Variants in ANKS1B observed in about 807,000 individuals in gnomAD.
The protein encoded by ANKS1B is ankyrin repeat and sterile alpha motif domain containing 1B.
A neutral mutation model predicts 148.3 loss-of-function variants in ANKS1B; 36 were observed. The observed-to-expected ratio is 0.24, with a 90% CI of 0.19 to 0.32. The LOEUF is 0.32. Ranked by LOEUF, ANKS1B falls within the 10% of genes least tolerant of loss-of-function variation. ANKS1B has a pLI of 1.00. For synonymous variants in ANKS1B, 542 were observed against 560.8 expected (o/e 0.97, Z 0.47); for missense variants, 1,157 against 1,542.6 (o/e 0.75, Z 4.19).
chr12:99,825,279 C>A (rs962017127), intron 2 of ANKS1B, 30 bp downstream of exon 2: 3 of 1,575,554 alleles, frequency 1.9e-6, no homozygotes, highest in East Asian at 2.3e-5. Flanking sequence ...ACTAAATACA[C>A]ACGATTCCGT....
At chr12:99,190,212 C>T (rs1029001317) in intron 14 of ANKS1B, among the ~76,000 whole-genome samples, 4 of 152,154 alleles carry the variant, frequency 2.6e-5, no homozygotes, top group Admixed American at 6.6e-5. Context: ...AATGGAAAAA[C>T]ATTCCATGCT....
At chr12:99,514,777 A>C (rs2096799354) in intron 9 of ANKS1B, among the ~76,000 whole-genome samples, 1 of 152,008 alleles carries the variant, frequency 6.6e-6, no homozygotes, top group Non-Finnish European at 1.5e-5. Flanking sequence ...GCCAATTTTC[A>C]AGCCTTTGTA....
At chr12:98,879,831 C>T (rs928327338) in intron 17 of ANKS1B, among the ~76,000 whole-genome samples, 1 of 152,180 alleles carries the variant, frequency 6.6e-6, no homozygotes, top group Admixed American at 6.5e-5. Context: ...ATAGGACACA[C>T]ACACATGCAC....
intron 1 of ANKS1B, among the ~76,000 whole-genome samples, chr12:99,875,437 A>G (rs573163963): frequency 5.6e-5 from 8 of 143,288 alleles, no homozygotes; most frequent in African/African-American, 1.8e-4. Context: ...AGTTTAACTT[A>G]GAAAAAAAAA....
chr12:99,561,725 C>T (rs925587405), intron 9 of ANKS1B, among the ~76,000 whole-genome samples: 1 of 152,134 alleles, frequency 6.6e-6, no homozygotes, highest in African/African-American at 2.4e-5. Context: ...ACTATTTCTA[C>T]CACATCTTCA....
chr12:99,726,688 AAAG>A (rs1367537790), intron 8 of ANKS1B, among the ~76,000 whole-genome samples: 1 of 152,204 alleles, frequency 6.6e-6, no homozygotes, highest in African/African-American at 2.4e-5. Context: ...ACAACAAAAA[AAAG>A]AAAATTTCAG....
At chr12:99,952,648 C>A (rs757545935) in intron 1 of ANKS1B, among the ~76,000 whole-genome samples, 3 of 152,186 alleles carry the variant, frequency 2.0e-5, no homozygotes, top group Non-Finnish European at 4.4e-5. Context: ...GTACTTTCAA[C>A]CAAGATCCAT....
intron 9 of ANKS1B, among the ~76,000 whole-genome samples, chr12:99,649,038 T>C (rs1169879933): frequency 6.6e-6 from 1 of 152,200 alleles, no homozygotes; most frequent in African/African-American, 2.4e-5. Context: ...TATCCACAGC[T>C]GTTCATTTTA....
chr12:99,542,095 T>C (rs1379709943), intron 9 of ANKS1B, among the ~76,000 whole-genome samples: 3 of 152,052 alleles, frequency 2.0e-5, no homozygotes, highest in Non-Finnish European at 4.4e-5. Flanking sequence ...ACAAACAGCA[T>C]CCAGATTGGA....
chr12:98,847,569 G>A (rs2153744469), intron 17 of ANKS1B, among the ~76,000 whole-genome samples: 1 of 149,992 alleles, frequency 6.7e-6, no homozygotes, highest in Admixed American at 6.7e-5. Context: ...AATGAACACG[G>A]GAGTGCAGGT....
chr12:99,946,858 C>T (rs996622960), intron 1 of ANKS1B, among the ~76,000 whole-genome samples: 3 of 152,136 alleles, frequency 2.0e-5, no homozygotes, highest in African/African-American at 7.2e-5. Context: ...AGTACTACCA[C>T]CACTGCAAAC....
rs531481162 is a variant in ANKS1B at position 99,603,060 on chromosome 12, T to C, written c.1272+52007A>G. Reference sequence around the variant, plus strand: ...CAAAAATATTTATTGACCATTTTCTTTGAGATGAGTCTTGCTCTGTCGCCA... The same window carrying C: ...CAAAAATATTTATTGACCATTTTCTCTGAGATGAGTCTTGCTCTGTCGCCA... On this transcript the variant is annotated intron_variant, in intron 9 of 26. Coordinates refer to ENST00000683438, the MANE Select transcript of ANKS1B (RefSeq NM_001352186.2). Among the ~76,000 whole-genome samples the C allele has an allele frequency of 5.3e-5, 8 of 152,228 alleles. No individual in the cohort carries two copies. In the South Asian group the frequency reaches 1.7e-3, roughly 32 times the overall value.
At chr12:99,464,881 T>C (rs1362328151) in intron 10 of ANKS1B, among the ~76,000 whole-genome samples, 4 of 152,236 alleles carry the variant, frequency 2.6e-5, no homozygotes, top group South Asian at 4.1e-4. Context: ...GGATATTATG[T>C]AGGAGAACTT....
intron 1 of ANKS1B, among the ~76,000 whole-genome samples, chr12:99,958,316 C>T (rs1408954444): frequency 6.6e-6 from 1 of 152,172 alleles, no homozygotes; most frequent in Non-Finnish European, 1.5e-5. Flanking sequence ...CCACAAAAGG[C>T]CTCAAGTGAT....
chr12:99,645,282 T>C (rs543472407), intron 9 of ANKS1B, among the ~76,000 whole-genome samples: 1 of 152,360 alleles, frequency 6.6e-6, no homozygotes, highest in East Asian at 1.9e-4. Context: ...CTTTTAAAAG[T>C]TTTGGGAAGA....
chr12:98,802,593 G>GTTTTTTT (rs2099012907), intron 20 of ANKS1B, among the ~76,000 whole-genome samples: 1 of 72,352 alleles, frequency 1.4e-5, no homozygotes, highest in African/African-American at 5.9e-5. Flanking sequence ...TAATGCACAG[G>GTTTTTTT]CTTTTTTTTT....
At chr12:99,883,943 A>G (rs1388231048) in intron 1 of ANKS1B, among the ~76,000 whole-genome samples, 1 of 152,112 alleles carries the variant, frequency 6.6e-6, no homozygotes, top group Non-Finnish European at 1.5e-5. Context: ...TATATCAAAC[A>G]AAAGATTTGT....
chr12:99,000,261 C>CTT (rs1309942606), intron 17 of ANKS1B, among the ~76,000 whole-genome samples: 8 of 141,844 alleles, frequency 5.6e-5, no homozygotes, highest in Admixed American at 2.8e-4. Context: ...TTTTCTTTTT[C>CTT]TTTTTCCTTT....
intron 9 of ANKS1B, among the ~76,000 whole-genome samples, chr12:99,573,496 C>T (rs1483131284): frequency 1.3e-5 from 2 of 152,028 alleles, no homozygotes; most frequent in Non-Finnish European, 2.9e-5. Context: ...GTGATACTCA[C>T]ACACCATGAT....
Sources: gnomAD v4.1 joint callset for allele counts (sites outside exome capture counted in the v4.1 genomes callset) on GRCh38, gnomAD v4.1.1 for gene constraint, MANE v1.5 for transcripts, NCBI Gene and HGNC (gene_info 2026-07-23, HGNC 2026-07-21) for gene names.